SOX4: variants seen among roughly 807,000 people sequenced by gnomAD.
SOX4 encodes SRY-box transcription factor 4.
For missense variants in SOX4, 662 were observed against 694.9 expected, an observed-to-expected ratio of 0.95 and a Z score of 0.53; for synonymous variants, 465 against 348.4, an observed-to-expected ratio of 1.33 and a Z score of -3.73.
Position 21,595,080 on chromosome 6 carries a change from C to T in SOX4, c.546C>T (p.Gly182=). The part of the protein sequence containing the change: ...GGSSNAGGGG[G]GASGGGANSK... ...GCAGCAACGCGGGGGGAGGAGGCGG[C>T]GGTGCGAGTGGCGGCGGCGCCAACT... Residue 182 remains glycine (G), a synonymous_variant, in exon 1 of 1, where the codon GGC becomes GGT. Transcript: ENST00000244745. The T allele has an allele frequency of 2.8e-6, 4 of 1,408,078 alleles. No individual in the cohort carries two copies. The highest frequency in any genetic ancestry group is 4.3e-4 in the Middle Eastern group (2 of 4,608). The allele number at this position is 1,408,078 out of a possible 1,614,324, so 87.2% of individuals were successfully genotyped here.
Position 21,596,740 on chromosome 6 carries a change from A to T in SOX4, c.*781A>T, listed in dbSNP as rs1273902344. The T allele has an allele frequency of 6.0e-6, 1 of 166,872 alleles. No homozygotes were observed. The highest frequency in any genetic ancestry group is 2.4e-5 in the African/African-American group (1 of 41,322). The allele number at this position is 166,872 out of a possible 1,614,324, so 10.3% of individuals were successfully genotyped here. A position where few individuals can be genotyped will look rare whatever the true frequency, so the allele number is the denominator to read the frequency against. On this transcript the variant is annotated 3_prime_UTR_variant, in exon 1 of 1. Transcript: ENST00000244745. ...ACCCCGTTGGAAGCGCAGCAGCGGG[A>T]GCTAGGGGCGGGGGCGGAGGAGGAC... is the stretch of plus-strand genomic sequence containing the variant.
In SOX4 at chr6:21,597,078, C is replaced by T. The variant is rs992263966; in HGVS notation, c.*1119C>T. The T allele has an allele frequency of 1.2e-5, 2 of 166,560 alleles. No homozygotes were observed. Among genetic ancestry groups the T allele is most frequent in the African/African-American group, 2.4e-5 (1 of 41,350 alleles). 10.3% of individuals were successfully genotyped at this position (166,560 alleles called of 1,614,324 possible). On this transcript the variant is annotated 3_prime_UTR_variant, in exon 1 of 1. Transcript: ENST00000244745. ...GGTGGGGTTAATATAGCATGTTATC[C>T]TGTCTATCTTTTAAAGATTTCTGTA...
Position 21,594,581 on chromosome 6 carries a change from C to G in SOX4, c.47C>G (p.Ala16Gly). ...NNAENTEALL[A>G]GESSDSGAGL... Reference sequence around the variant, plus strand: ...GCCGAGAACACGGAAGCGCTGCTGGCCGGCGAGAGCTCGGACTCGGGCGCC... The same window carrying G: ...GCCGAGAACACGGAAGCGCTGCTGGGCGGCGAGAGCTCGGACTCGGGCGCC... Residue 16 changes from alanine to glycine, a missense_variant, in exon 1 of 1, where the codon GCC (alanine) becomes GGC (glycine). Physicochemically the swap from Ala to Gly is moderately conservative, Grantham distance 60. Coordinates refer to ENST00000244745, the MANE Select transcript of SOX4 (RefSeq NM_003107.3). 1 of 1,608,666 alleles carries G rather than the reference C, an allele frequency of 6.2e-7. No homozygotes were observed. The highest frequency in any genetic ancestry group is 8.5e-7 in the Non-Finnish European group (1 of 1,178,642).
chr6:21,597,358 C>T lies in SOX4; in HGVS notation c.*1399C>T, dbSNP rs953585302. 6.0e-6 allele frequency: 1 copy of T among 166,898 alleles called. No individual in the cohort carries two copies. The highest frequency in any genetic ancestry group is 1.5e-5 in the Non-Finnish European group (1 of 68,114). The allele number at this position is 166,898 out of a possible 1,614,324, so 10.3% of individuals were successfully genotyped here. The stretch of plus-strand genomic sequence containing the variant: ...TTTTTTTCCTTCACCGATGCTCCAT[C>T]CTCGTATTTCTTTTTCCTTGTAAAT... On this transcript the variant is annotated 3_prime_UTR_variant, in exon 1 of 1. Transcript: ENST00000244745.
At position 21,595,893 on chromosome 6, in the gene SOX4, G is replaced by A. The variant is rs761450599; in HGVS notation, c.1359G>A (p.Glu453=). Residue 453 remains glutamate (E), a synonymous_variant, in exon 1 of 1, where the codon GAG becomes GAA. Transcript: ENST00000244745. ...HFEFPDYCTP[E]VSEMISGDWL... ...AGTTCCCGGACTACTGCACGCCCGA[G>A]GTGAGCGAGATGATCTCGGGAGACT... is the stretch of plus-strand genomic sequence containing the variant. 1.2e-6 allele frequency: 2 copies of A among 1,605,134 alleles called. No individual in the cohort carries two copies. Among genetic ancestry groups the A allele is most frequent in the Non-Finnish European group, 1.7e-6 (2 of 1,176,334 alleles).
chr6:21,595,756 C>G lies in SOX4; in HGVS notation c.1222C>G (p.Leu408Val). 2 of 1,613,416 alleles carry G rather than the reference C, an allele frequency of 1.2e-6. No individual in the cohort carries two copies. Among genetic ancestry groups the G allele is most frequent in the Non-Finnish European group, 1.7e-6 (2 of 1,179,956 alleles). ...CGAGTTCGAAGACGACCTGCTCGAC[C>G]TGAACCCCAGCTCAAACTTTGAGAG... ...DDEFEDDLLDLNPSSNFESMS... is the reference protein window; with the variant it reads ...DDEFEDDLLDVNPSSNFESMS... The change falls in exon 1 of 1, where the codon CTG becomes GTG. Residue 408 changes from leucine (L) to valine (V), a missense_variant. Coordinates refer to ENST00000244745, the MANE Select transcript of SOX4 (RefSeq NM_003107.3).
In SOX4 at chr6:21,597,074, TA is replaced by T. The variant is rs1763183998; in HGVS notation, c.*1116del. On this transcript the variant is annotated 3_prime_UTR_variant, in exon 1 of 1. Transcript: ENST00000244745. ...CAATGGTGGGGTTAATATAGCATGT[TA>T]TCCTGTCTATCTTTTAAAGATTTCT... The T allele has an allele frequency of 6.0e-6, 1 of 166,950 alleles. No homozygotes were observed. The highest frequency in any genetic ancestry group is 1.5e-5 in the Non-Finnish European group (1 of 68,126). The allele number at this position is 166,950 out of a possible 1,614,324, so 10.3% of individuals were successfully genotyped here. A position where few individuals can be genotyped will look rare whatever the true frequency, so the allele number is the denominator to read the frequency against.
rs1324083572 is a variant in SOX4 at position 21,598,500 on chromosome 6, AAG to A, written c.*2543_*2544del. The A allele has an allele frequency of 8.4e-5, 14 of 167,084 alleles. No individual in the cohort carries two copies. Among genetic ancestry groups the A allele is most frequent in the African/African-American group, 2.2e-4 (9 of 41,452 alleles). The allele number at this position is 167,084 out of a possible 1,614,324, so 10.4% of individuals were successfully genotyped here. On this transcript the variant is annotated 3_prime_UTR_variant, in exon 1 of 1. Transcript: ENST00000244745. Reference sequence around the variant, plus strand: ...CAAAAACAATGTTTGGGGGAAAAAAAAGAAAAAATCATGCCAGCTAATCATGT... The same window carrying A: ...CAAAAACAATGTTTGGGGGAAAAAAAAAAAAATCATGCCAGCTAATCATGT...
In SOX4 at chr6:21,595,846, C is replaced by T; in HGVS notation, c.1312C>T (p.Pro438Ser). The stretch of plus-strand genomic sequence containing the variant: ...CCGGGACCTGGATTTTAACTTCGAG[C>T]CCGGCTCCGGCTCGCACTTCGAGTT... Reference protein sequence around the residue: ...LDRDLDFNFEPGSGSHFEFPD... With the variant: ...LDRDLDFNFESGSGSHFEFPD... Residue 438 changes from proline to serine, a missense_variant, in exon 1 of 1, where the codon CCC (proline) becomes TCC (serine). Pro to Ser is a moderately conservative substitution (Grantham distance 74). Coordinates refer to ENST00000244745, the MANE Select transcript of SOX4 (RefSeq NM_003107.3). The T allele has an allele frequency of 6.2e-7, 1 of 1,612,294 alleles. No individual in the cohort carries two copies.
rs780178041 is a variant in SOX4, at chr6:21,595,764, C to T, written c.1230C>T (p.Pro410=). ...AAGACGACCTGCTCGACCTGAACCC[C>T]AGCTCAAACTTTGAGAGCATGTCCC... The part of the protein sequence containing the change: ...EFEDDLLDLN[P]SSNFESMSLG... Residue 410 remains proline (P), a synonymous_variant, in exon 1 of 1, where the codon CCC becomes CCT. Transcript: ENST00000244745. 8.7e-6 allele frequency: 14 copies of T among 1,613,358 alleles called. No homozygotes were observed. The African/African-American group carries it at 1.5e-4, about 17-fold the overall frequency.
At position 21,595,228 on chromosome 6, in the gene SOX4, GCCGCCGCCGCCT is replaced by G. The variant is rs1171444727; in HGVS notation, c.697_708del (p.Ala233_Ser236del). On this transcript the variant is annotated inframe_deletion, in exon 1 of 1. Transcript: ENST00000244745. The stretch of plus-strand genomic sequence containing the variant: ...CGGCGGCGGCGGGAAAGCAGCGGCT[GCCGCCGCCGCCT>G]CCTTCGCCGCCGAACAGGCGGGGGC... The G allele has an allele frequency of 1.6e-5, 20 of 1,232,650 alleles. 1 individual carries two copies. The highest frequency in any genetic ancestry group is 1.9e-5 in the Non-Finnish European group (19 of 992,010). 76.4% of individuals were successfully genotyped at this position (1,232,650 alleles called of 1,614,324 possible).
rs112453252 is a variant in SOX4 at position 21,595,692 on chromosome 6, C to T, written c.1158C>T (p.Ser386=). Reference sequence around the variant, plus strand: ...CGTCCTCCTCGGCCTCGTCCCACTCCTCCTCTTCCTCCTCCTCGGGCTCCT... The same window carrying T: ...CGTCCTCCTCGGCCTCGTCCCACTCTTCCTCTTCCTCCTCCTCGGGCTCCT... The part of the protein sequence containing the change: ...SHASSSASSH[S]SSSSSSGSSS... The change falls in exon 1 of 1, where the codon TCC becomes TCT. Residue 386 remains serine, a synonymous_variant. Transcript: ENST00000244745. 8.2e-4 allele frequency: 1,307 copies of T among 1,589,952 alleles called. 10 individuals are homozygous for T. The African/African-American group carries it at 1.0e-2, about 12-fold the overall frequency.
In SOX4 at chr6:21,595,230, C is replaced by A; in HGVS notation, c.696C>A (p.Ala232=). 8.1e-7 allele frequency: 1 copy of A among 1,240,144 alleles called. No homozygotes were observed. The highest frequency in any genetic ancestry group is 1.0e-6 in the Non-Finnish European group (1 of 996,164). The allele number at this position is 1,240,144 out of a possible 1,614,324, so 76.8% of individuals were successfully genotyped here. The change falls in exon 1 of 1, where the codon GCC becomes GCA. Residue 232 remains alanine, a synonymous_variant. Transcript: ENST00000244745. The stretch of plus-strand genomic sequence containing the variant: ...GCGGCGGCGGGAAAGCAGCGGCTGC[C>A]GCCGCCGCCTCCTTCGCCGCCGAAC... ...GGGGGGKAAA[A]AAASFAAEQA...
chr6:21,597,933 C>G lies in SOX4; in HGVS notation c.*1974C>G, dbSNP rs184779509. 1.5e-4 allele frequency: 25 copies of G among 167,118 alleles called. No individual in the cohort carries two copies. The highest frequency in any genetic ancestry group is 6.0e-4 in the African/African-American group (25 of 41,458). 10.4% of individuals were successfully genotyped at this position (167,118 alleles called of 1,614,324 possible). A position where few individuals can be genotyped will look rare whatever the true frequency, so the allele number is the denominator to read the frequency against. ...AAAAAGGGGAGGAGAATTAGCCAAA[C>G]ACTGTAAGCTTTTAAGAAAAACAAA... On this transcript the variant is annotated 3_prime_UTR_variant, in exon 1 of 1. Transcript: ENST00000244745.
At position 21,595,296 on chromosome 6, in the gene SOX4, C is replaced by T; in HGVS notation, c.762C>T (p.Ala254=). Residue 254 remains alanine, a synonymous_variant, in exon 1 of 1, where the codon GCC becomes GCT. Transcript: ENST00000244745. ...AAALLPLGAA[A]DHHSLYKART... is the part of the protein sequence containing the mutation. ...CCCTGCTGCCCCTGGGCGCCGCCGC[C>T]GACCACCACTCGCTGTACAAGGCGC... 7.0e-7 allele frequency: 1 copy of T among 1,429,458 alleles called. No individual in the cohort carries two copies. The highest frequency in any genetic ancestry group is 1.4e-5 in the South Asian group (1 of 73,152). The allele number at this position is 1,429,458 out of a possible 1,614,324, so 88.5% of individuals were successfully genotyped here.
At position 21,594,853 on chromosome 6, in the gene SOX4, C is replaced by T. The variant is rs1232576355; in HGVS notation, c.319C>T (p.Pro107Ser). The T allele has an allele frequency of 6.2e-7, 1 of 1,612,166 alleles. No individual in the cohort carries two copies. Among genetic ancestry groups the T allele is most frequent in the Admixed American group, 1.7e-5 (1 of 59,740 alleles). ...WKLLKDSDKI[P>S]FIREAERLRL... ...GCTGCTCAAAGACAGCGACAAGATC[C>T]CTTTCATTCGAGAGGCGGAGCGGCT... is the stretch of plus-strand genomic sequence containing the variant. The change falls in exon 1 of 1, where the codon CCT (proline) becomes TCT (serine). Residue 107 changes from proline to serine, a missense_variant. Pro to Ser is a moderately conservative substitution (Grantham distance 74, BLOSUM62 -1). Coordinates refer to ENST00000244745, the MANE Select transcript of SOX4 (RefSeq NM_003107.3).
In SOX4 at chr6:21,595,131, C is replaced by T. The variant is rs1171267269; in HGVS notation, c.597C>T (p.Cys199=). 37 of 1,363,432 alleles carry T rather than the reference C, an allele frequency of 2.7e-5. No individual in the cohort carries two copies. In the South Asian group the frequency reaches 6.2e-4, roughly 23 times the overall value. 84.5% of individuals were successfully genotyped at this position (1,363,432 alleles called of 1,614,324 possible). A position where few individuals can be genotyped will look rare whatever the true frequency, so the allele number is the denominator to read the frequency against. Residue 199 remains cysteine (C), a synonymous_variant, in exon 1 of 1, where the codon TGC becomes TGT. Coordinates refer to ENST00000244745, the MANE Select transcript of SOX4 (RefSeq NM_003107.3). ...ANSKPAQKKS[C]GSKVAGGAGG... is the part of the protein sequence containing the mutation. ...CCAAACCGGCGCAGAAAAAGAGCTG[C>T]GGCTCCAAAGTGGCGGGCGGCGCGG...
In SOX4 at chr6:21,597,261, A is replaced by G. The variant is rs1763187671; in HGVS notation, c.*1302A>G. 6.0e-6 allele frequency: 1 copy of G among 166,982 alleles called. No homozygotes were observed. Among genetic ancestry groups the G allele is most frequent in the Non-Finnish European group, 1.5e-5 (1 of 68,116 alleles). 10.3% of individuals were successfully genotyped at this position (166,982 alleles called of 1,614,324 possible). On this transcript the variant is annotated 3_prime_UTR_variant, in exon 1 of 1. Coordinates refer to ENST00000244745, the MANE Select transcript of SOX4 (RefSeq NM_003107.3). ...AACTCAAATCTGTGCTGGACTTTAA[A>G]AAAACAATTCAGGACCAAATTTTTT...
In SOX4 at chr6:21,594,679, C is replaced by A; in HGVS notation, c.145C>A (p.Pro49Thr). The change falls in exon 1 of 1, where the codon CCG becomes ACG. Residue 49 changes from proline (P) to threonine (T), a missense_variant. Coordinates refer to ENST00000244745, the MANE Select transcript of SOX4 (RefSeq NM_003107.3). ...CTCCACGGGCGGCAAGGCCGACGAC[C>A]CGAGCTGGTGCAAGACCCCGAGTGG... ...TASTGGKADDPSWCKTPSGHI... is the reference protein window; with the variant it reads ...TASTGGKADDTSWCKTPSGHI... The A allele has an allele frequency of 6.3e-7, 1 of 1,599,398 alleles. No individual in the cohort carries two copies. Among genetic ancestry groups the A allele is most frequent in the East Asian group, 2.3e-5 (1 of 44,212 alleles).
Sources: gnomAD v4.1 joint callset for allele counts on GRCh38, gnomAD v4.1.1 for gene constraint, MANE v1.5 for transcripts, NCBI Gene and HGNC (gene_info 2026-07-23, HGNC 2026-07-21) for gene names.